The following NAIF1 variants were observed in gnomAD, a reference collection of about 807,000 sequenced individuals.
NAIF1 encodes nuclear apoptosis-inducing factor 1.
A neutral mutation model predicts 20.7 loss-of-function variants in NAIF1; 14 were observed. The ratio of observed to expected loss-of-function variants is 0.67; its 90% CI spans 0.45 to 1.05. NAIF1 has a LOEUF of 1.05. NAIF1 is among the 50% of genes least tolerant of loss of function. NAIF1 has a pLI of 0.00. For missense variants in NAIF1, 362 were observed against 448.8 expected, an observed-to-expected ratio of 0.81 and a Z score of 1.75; for synonymous variants, 191 against 191.4, an observed-to-expected ratio of 1.00 and a Z score of 0.02.
In NAIF1 at chr9:128,067,259, C is replaced by G; in HGVS notation, c.-158G>C. ...ACTAGGCCTTTGGTAACCCCCCTCG[C>G]TACGCAAAGTGCGTAGGGCCCAGCC... On this transcript the variant is annotated 5_prime_UTR_variant, in exon 1 of 2. Transcript: ENST00000373078. The G allele has an allele frequency of 1.1e-6, 1 of 900,722 alleles. No individual in the cohort carries two copies. The highest frequency in any genetic ancestry group is 1.6e-6 in the Non-Finnish European group (1 of 614,826). The allele number at this position is 900,722 out of a possible 1,614,324, so 55.8% of individuals were successfully genotyped here. A position where few individuals can be genotyped will look rare whatever the true frequency, so the allele number is the denominator to read the frequency against.
chr9:128,066,027 T>C (rs951309328), intron 1 of NAIF1: 1 of 152,266 alleles, frequency 6.6e-6, no homozygotes, highest in South Asian at 2.1e-4. Flanking sequence ...TTTAGACAAC[T>C]TGGTAATCCC....
chr9:128,065,710 C>A (rs1327898196), intron 1 of NAIF1, among the ~76,000 whole-genome samples: 2 of 151,910 alleles, frequency 1.3e-5, no homozygotes, highest in African/African-American at 4.8e-5. Flanking sequence ...AATGATCCAG[C>A]TCACGGTCAT....
intron 1 of NAIF1, among the ~76,000 whole-genome samples, chr9:128,064,220 C>A (rs1588733939): frequency 6.6e-6 from 1 of 151,024 alleles, no homozygotes. Flanking sequence ...TCCCGAGTAG[C>A]TGGGACTACA....
At chr9:128,064,371 T>C (rs4557800) in intron 1 of NAIF1, among the ~76,000 whole-genome samples, 149,364 of 152,158 alleles carry the variant, frequency 0.98, 73,364 homozygotes, top group Middle Eastern at 1. Flanking sequence ...CCACCGCGCC[T>C]GGCCGGGGTT....
Position 128,063,553 on chromosome 9 carries a change from G to T in NAIF1, c.859C>A (p.Gln287Lys), listed in dbSNP as rs149539761. The change falls in exon 2 of 2, where the codon CAG (glutamine) becomes AAG (lysine). Residue 287 changes from glutamine to lysine, a missense_variant. Gln to Lys is a moderately conservative substitution (Grantham distance 53). This residue lies in a region of NAIF1 where 300 missense variants were observed against 342.7 expected (regional missense o/e 0.88). Coordinates refer to ENST00000373078, the MANE Select transcript of NAIF1 (RefSeq NM_197956.4). This position sits in a 1 kb window ranked among gnomAD's most constrained non-coding sequence, Gnocchi z 4.3. ...GTQAALSVLIQVLRPMIKDFR... is the reference protein window; with the variant it reads ...GTQAALSVLIKVLRPMIKDFR... The stretch of plus-strand genomic sequence containing the variant: ...TCTTTGATCATAGGCCGGAGGACCT[G>T]GATGAGGACGCTCAGGGCAGCCTGT... 134 of 1,611,276 alleles carry T rather than the reference G, an allele frequency of 8.3e-5. No individual in the cohort carries two copies. Among genetic ancestry groups the T allele is most frequent in the Admixed American group, 1.7e-4 (10 of 60,008 alleles).
At chr9:128,064,420 T>C (rs1482389995) in intron 1 of NAIF1, among the ~76,000 whole-genome samples, 2 of 152,196 alleles carry the variant, frequency 1.3e-5, no homozygotes, top group Non-Finnish European at 2.9e-5. Flanking sequence ...GGGCCAGCCC[T>C]GGATCTGGCA....
rs28429629 is a variant in NAIF1, at chr9:128,063,776, C to A, written c.636G>T (p.Ser212=). Reference sequence around the variant, plus strand: ...GGCTCTTGAGCGCTTGCGGCTTGACCGACGTGTCTGCATGCTGGGCCATCA... The same window carrying A: ...GGCTCTTGAGCGCTTGCGGCTTGACAGACGTGTCTGCATGCTGGGCCATCA... ...VDMMAQHADT[S]VKPQALKSRI... The change falls in exon 2 of 2, where the codon TCG becomes TCT. Residue 212 remains serine (S), a synonymous_variant. Transcript: ENST00000373078. The surrounding 1 kb of genome is among the most constrained non-coding windows in gnomAD (Gnocchi z 4.3). 2,223 of 1,613,980 alleles carry A rather than the reference C, an allele frequency of 1.4e-3. 29 individuals carry two copies. The African/African-American group carries it at 0.026, about 19-fold the overall frequency.
In NAIF1 at chr9:128,063,751, G is replaced by A. The variant is rs764083368; in HGVS notation, c.661C>T (p.Arg221Cys). The change falls in exon 2 of 2, where the codon CGC becomes TGC. Residue 221 changes from arginine (R) to cysteine (C), a missense_variant. Arg to Cys is a radical substitution (Grantham distance 180). Transcript: ENST00000373078. The surrounding 1 kb of genome is among the most constrained non-coding windows in gnomAD (Gnocchi z 4.3). ...TSVKPQALKS[R>C]IALNSAKLIQ... The stretch of plus-strand genomic sequence containing the variant: ...AGCTTGGCGGAGTTGAGAGCAATGC[G>A]GCTCTTGAGCGCTTGCGGCTTGACC... 9 of 1,614,176 alleles carry A rather than the reference G, an allele frequency of 5.6e-6. No homozygotes were observed. Among genetic ancestry groups the A allele is most frequent in the Non-Finnish European group, 7.6e-6 (9 of 1,180,040 alleles).
Position 128,067,120 on chromosome 9 carries a change from T to C in NAIF1, c.-19A>G, listed in dbSNP as rs1343574006. ...CGGCCATGGCCTCTCCCCTCCCCTCTTTTTAAAGAAATTATAATCCCCTCA... is the reference window on the plus strand; with the variant it reads ...CGGCCATGGCCTCTCCCCTCCCCTCCTTTTAAAGAAATTATAATCCCCTCA... On this transcript the variant is annotated 5_prime_UTR_variant, in exon 1 of 2. Coordinates refer to ENST00000373078, the MANE Select transcript of NAIF1 (RefSeq NM_197956.4). 6.4e-7 allele frequency: 1 copy of C among 1,562,956 alleles called. No individual in the cohort carries two copies. The highest frequency in any genetic ancestry group is 8.7e-7 in the Non-Finnish European group (1 of 1,152,188).
intron 1 of NAIF1, among the ~76,000 whole-genome samples, chr9:128,065,933 C>T (rs780657787): frequency 6.6e-6 from 1 of 152,106 alleles, no homozygotes; most frequent in Non-Finnish European, 1.5e-5. Flanking sequence ...CTTCCTCTTC[C>T]GGGGCCTGAG....
Position 128,066,997 on chromosome 9 carries a change from G to C in NAIF1, c.105C>G (p.Phe35Leu), listed in dbSNP as rs1413569975. The C allele has an allele frequency of 6.2e-7, 1 of 1,613,830 alleles. No individual in the cohort carries two copies. The highest frequency in any genetic ancestry group is 2.2e-5 in the East Asian group (1 of 44,880). ...TGGCGGCCAGGGGTACCCCGGCGTT[G>C]AAGTGGTTCACCAGCAGGTGCTTCT... ...ELKKHLLVNH[F>L]NAGVPLAAKS... is the part of the protein sequence containing the mutation. Residue 35 changes from phenylalanine (F) to leucine (L), a missense_variant, in exon 1 of 2, where the codon TTC becomes TTG. This residue lies in a region of NAIF1 where 51 missense variants were observed against 68.7 expected (regional missense o/e 0.74). Transcript: ENST00000373078.
Position 128,063,099 on chromosome 9 carries a change from G to T in NAIF1, c.*329C>A, listed in dbSNP as rs1028080555. 2 of 338,294 alleles carry T rather than the reference G, an allele frequency of 5.9e-6. No homozygotes were observed. Among genetic ancestry groups the T allele is most frequent in the South Asian group, 4.1e-5 (1 of 24,406 alleles). The allele number at this position is 338,294 out of a possible 1,614,324, so 21.0% of individuals were successfully genotyped here. ...TGACGGCCCCCAGTGACAGCCCGTT[G>T]TGTTGTTCCTTACAGTTGTCCAAGA... On this transcript the variant is annotated 3_prime_UTR_variant, in exon 2 of 2. Transcript: ENST00000373078. This position sits in a 1 kb window ranked among gnomAD's most constrained non-coding sequence, Gnocchi z 4.3.
rs144611939 is a variant in NAIF1 at position 128,066,798 on chromosome 9, C to T, written c.304G>A (p.Asp102Asn). ...CCTGTCCCAGGCCCCCCAGCTCCGTCCTCCTCAGTGGGCCCCGGCGCCTCA... is the reference window on the plus strand; with the variant it reads ...CCTGTCCCAGGCCCCCCAGCTCCGTTCTCCTCAGTGGGCCCCGGCGCCTCA... ...GGEAPGPTEE[D>N]GAGGPGTGGG... Residue 102 changes from aspartate (D) to asparagine (N), a missense_variant, in exon 1 of 2, where the codon GAC (aspartate) becomes AAC (asparagine). Transcript: ENST00000373078. 2.5e-5 allele frequency: 40 copies of T among 1,610,794 alleles called. No homozygotes were observed. Among genetic ancestry groups the T allele is most frequent in the Non-Finnish European group, 3.1e-5 (37 of 1,178,424 alleles).
chr9:128,065,951 C>A (rs1440363802), intron 1 of NAIF1, among the ~76,000 whole-genome samples: 2 of 152,064 alleles, frequency 1.3e-5, no homozygotes, highest in Non-Finnish European at 2.9e-5. Context: ...GAGGTTTTCC[C>A]AACTGATGGC....
At position 128,063,393 on chromosome 9, in the gene NAIF1, C is replaced by T. The variant is rs766579570; in HGVS notation, c.*35G>A. ...ACTTACAAGTCCATGGAGTTTTCATCCCATCATGGCAGAAGGCTGGCCTGA... is the reference window on the plus strand; with the variant it reads ...ACTTACAAGTCCATGGAGTTTTCATTCCATCATGGCAGAAGGCTGGCCTGA... On this transcript the variant is annotated 3_prime_UTR_variant, in exon 2 of 2. Coordinates refer to ENST00000373078, the MANE Select transcript of NAIF1 (RefSeq NM_197956.4). The surrounding 1 kb of genome is among the most constrained non-coding windows in gnomAD (Gnocchi z 4.3). 23 of 1,569,788 alleles carry T rather than the reference C, an allele frequency of 1.5e-5. No homozygotes were observed. In the South Asian group the frequency reaches 2.4e-4, roughly 16 times the overall value.
At chr9:128,064,973 A>AAAAG (rs59813204) in intron 1 of NAIF1, among the ~76,000 whole-genome samples, 90,594 of 149,454 alleles carry the variant, frequency 0.61, 30,992 homozygotes, top group Non-Finnish European at 0.78. Flanking sequence ...TCCATCTCAT[A>AAAAG]AAAGAAAGAA....
chr9:128,063,341 C>G lies in NAIF1; in HGVS notation c.*87G>C. The G allele has an allele frequency of 7.7e-7, 1 of 1,298,584 alleles. No homozygotes were observed. The allele number at this position is 1,298,584 out of a possible 1,614,324, so 80.4% of individuals were successfully genotyped here. ...AGAGGGAGCTGTGCACGTGGCCGGT[C>G]TAAGGCCAAGGCCAATCACAGGACC... On this transcript the variant is annotated 3_prime_UTR_variant, in exon 2 of 2. Coordinates refer to ENST00000373078, the MANE Select transcript of NAIF1 (RefSeq NM_197956.4). This position sits in a 1 kb window ranked among gnomAD's most constrained non-coding sequence, Gnocchi z 4.3.
Position 128,067,190 on chromosome 9 carries a change from C to T in NAIF1, c.-89G>A, listed in dbSNP as rs1177447465. The T allele has an allele frequency of 1.4e-6, 2 of 1,473,838 alleles. No homozygotes were observed. Among genetic ancestry groups the T allele is most frequent in the Non-Finnish European group, 1.8e-6 (2 of 1,100,484 alleles). The allele number at this position is 1,473,838 out of a possible 1,614,324, so 91.3% of individuals were successfully genotyped here. A position where few individuals can be genotyped will look rare whatever the true frequency, so the allele number is the denominator to read the frequency against. On this transcript the variant is annotated 5_prime_UTR_variant, in exon 1 of 2. In the 5' UTR this introduces an upstream ATG that the reference lacks. Transcript: ENST00000373078. ...TCTTCTTCCTCAGCCTCGCCCCTCA[C>T]CCACCCCCTACAGGGGATAGGCCAG...
rs751843491 is a variant in NAIF1, at chr9:128,066,817, C to T, written c.285G>A (p.Ala95=). The change falls in exon 1 of 2, where the codon GCG becomes GCA. Residue 95 remains alanine (A), a synonymous_variant. Transcript: ENST00000373078. ...CTCCGTCCTCCTCAGTGGGCCCCGG[C>T]GCCTCACCACCCTCCACGGCGGCCC... ...QVRAAVEGGE[A]PGPTEEDGAG... is the part of the protein sequence containing the mutation. The T allele has an allele frequency of 1.2e-6, 2 of 1,611,050 alleles. No homozygotes were observed. The highest frequency in any genetic ancestry group is 2.2e-5 in the East Asian group (1 of 44,802).
Sources: allele counts gnomAD v4.1 joint callset (sites outside exome capture counted in the v4.1 genomes callset), GRCh38; gene constraint gnomAD v4.1.1; regional missense constraint gnomAD v4.1.1; non-coding constraint Gnocchi (gnomAD v3.1); transcripts MANE v1.5; gene names NCBI Gene and HGNC (gene_info 2026-07-23, HGNC 2026-07-21).